Variants in PNOC observed in about 807,000 individuals in gnomAD.
PNOC encodes prepronociceptin.
In PNOC, 10 loss-of-function variants were observed where a neutral mutation model predicts 15.6. That is an observed-to-expected ratio of 0.64 (90% CI 0.40 to 1.09). The LOEUF (loss-of-function observed/expected upper bound fraction) is 1.09, where lower values mean the gene tolerates loss of function less well. PNOC is among the 50% of genes least tolerant of loss of function. The probability of loss-of-function intolerance (pLI) is 0.01; values close to 1 mark genes in which losing one functional copy is unlikely to be tolerated. For synonymous variants in PNOC, 98 were observed against 88.5 expected (o/e 1.11, Z -0.60); for missense variants, 220 against 223.9 (o/e 0.98, Z 0.11).
intron 2 of PNOC, among the ~76,000 whole-genome samples, chr8:28,334,088 A>ACACC (rs1801373614): frequency 1.3e-5 from 2 of 149,434 alleles, no homozygotes; most frequent in South Asian, 4.2e-4. Flanking sequence ...ACACACACAC[A>ACACC]CCAGTTCTGA....
chr8:28,328,152 C>T (rs1801257939), intron 1 of PNOC, among the ~76,000 whole-genome samples: 2 of 148,708 alleles, frequency 1.3e-5, no homozygotes, highest in African/African-American at 2.5e-5. Context: ...ACTGCAACCT[C>T]CACCTCCCAG....
intron 1 of PNOC, among the ~76,000 whole-genome samples, chr8:28,327,417 G>A (rs922594303): frequency 4.6e-5 from 7 of 152,196 alleles, no homozygotes; most frequent in Admixed American, 3.3e-4. Flanking sequence ...GTTTTAAATA[G>A]CAAGTTCCAC....
chr8:28,324,192 A>G (rs1182370385), intron 1 of PNOC, among the ~76,000 whole-genome samples: 1 of 152,206 alleles, frequency 6.6e-6, no homozygotes, highest in African/African-American at 2.4e-5. Flanking sequence ...TATCAAATGG[A>G]ACATGTACTA....
At chr8:28,319,197 C>T (rs1208144757) in intron 1 of PNOC, among the ~76,000 whole-genome samples, 1 of 152,118 alleles carries the variant, frequency 6.6e-6, no homozygotes, top group Non-Finnish European at 1.5e-5. Flanking sequence ...TTATTCAGTA[C>T]ATGGCAGGGT....
intron 1 of PNOC, among the ~76,000 whole-genome samples, chr8:28,326,627 C>T (rs1350373560): frequency 2.0e-5 from 3 of 151,940 alleles, no homozygotes; most frequent in African/African-American, 7.3e-5. Flanking sequence ...TTTGGGAGGC[C>T]GAGGCGGGCA....
chr8:28,339,455 C>T lies in PNOC; in HGVS notation c.*11C>T. On this transcript the variant is annotated 3_prime_UTR_variant, in exon 3 of 4. Transcript: ENST00000301908. The stretch of plus-strand genomic sequence containing the variant: ...AATGGTAATGTGTAGCCGGAAGGGG[C>T]GCTCCTCCCAGCTGTACCGGCCACT... 1.3e-6 allele frequency: 2 copies of T among 1,520,936 alleles called. No individual in the cohort carries two copies. The highest frequency in any genetic ancestry group is 1.8e-6 in the Non-Finnish European group (2 of 1,132,438). 94.2% of individuals were successfully genotyped at this position (1,520,936 alleles called of 1,614,324 possible).
At chr8:28,338,686 C>A in intron 2 of PNOC, 3 of 1,024,886 alleles carry the variant, frequency 2.9e-6, no homozygotes, top group Non-Finnish European at 3.5e-6. Flanking sequence ...CAGTCATGAG[C>A]TGTGCTTGGC....
intron 2 of PNOC, among the ~76,000 whole-genome samples, chr8:28,338,295 T>A (rs1405294605): frequency 6.6e-6 from 1 of 152,098 alleles, no homozygotes; most frequent in Non-Finnish European, 1.5e-5. Context: ...AGAAACATCG[T>A]GGTCCAGCTG....
chr8:28,330,647 C>A (rs538421134), intron 2 of PNOC, among the ~76,000 whole-genome samples: 13 of 131,258 alleles, frequency 9.9e-5, no homozygotes, highest in African/African-American at 3.0e-4. Context: ...ATGATCCACC[C>A]GCCTCAGCCT....
Position 28,339,448 on chromosome 8 carries a change from G to T in PNOC, c.*4G>T. On this transcript the variant is annotated 3_prime_UTR_variant, in exon 3 of 4. Transcript: ENST00000301908. ...GCACCAGAATGGTAATGTGTAGCCG[G>T]AAGGGGCGCTCCTCCCAGCTGTACC... 1 of 1,523,364 alleles carries T rather than the reference G, an allele frequency of 6.6e-7. No individual in the cohort carries two copies. Among genetic ancestry groups the T allele is most frequent in the Admixed American group, 2.1e-5 (1 of 48,268 alleles). 94.4% of individuals were successfully genotyped at this position (1,523,364 alleles called of 1,614,324 possible).
At chr8:28,329,399 T>C (rs758585136) in intron 2 of PNOC, 116 bp downstream of exon 2, 27 of 1,163,096 alleles carry the variant, frequency 2.3e-5, no homozygotes, top group Non-Finnish European at 3.2e-5. Context: ...CTCACAGGAC[T>C]TGCTCAGCAT....
chr8:28,323,108 A>G (rs1801174726), intron 1 of PNOC, among the ~76,000 whole-genome samples: 1 of 152,206 alleles, frequency 6.6e-6, no homozygotes, highest in Non-Finnish European at 1.5e-5. Context: ...GCTTCGGCTA[A>G]AGCTGCATAT....
intron 1 of PNOC, among the ~76,000 whole-genome samples, chr8:28,325,318 A>T (rs986148481): frequency 2.0e-5 from 3 of 152,076 alleles, no homozygotes; most frequent in African/African-American, 4.8e-5. Flanking sequence ...TGAGTTGGAG[A>T]AGGATATTCT....
intron 2 of PNOC, among the ~76,000 whole-genome samples, chr8:28,330,396 A>ATTTTATTTTATTTTATTTTATTTTTT (rs377288105): frequency 2.5e-5 from 2 of 80,418 alleles, no homozygotes; most frequent in African/African-American, 3.9e-5. Flanking sequence ...ATTTTATTTT[A>ATTTTATTTTATTTTATTTTATTTTTT]TTTTTTTTTT....
At position 28,339,446 on chromosome 8, in the gene PNOC, C is replaced by T. The variant is rs201624792; in HGVS notation, c.*2C>T. The stretch of plus-strand genomic sequence containing the variant: ...CTGCACCAGAATGGTAATGTGTAGC[C>T]GGAAGGGGCGCTCCTCCCAGCTGTA... On this transcript the variant is annotated 3_prime_UTR_variant, in exon 3 of 4. Transcript: ENST00000301908. 30 of 1,523,464 alleles carry T rather than the reference C, an allele frequency of 2.0e-5. No homozygotes were observed. Among genetic ancestry groups the T allele is most frequent in the Admixed American group, 4.1e-5 (2 of 48,318 alleles). The allele number at this position is 1,523,464 out of a possible 1,614,324, so 94.4% of individuals were successfully genotyped here.
chr8:28,322,663 T>C (rs1445405803), intron 1 of PNOC, among the ~76,000 whole-genome samples: 1 of 152,174 alleles, frequency 6.6e-6, no homozygotes, highest in African/African-American at 2.4e-5. Context: ...TCTAAAGTCA[T>C]AGCAATATGA....
chr8:28,317,538 CA>C (rs1563324588), intron 1 of PNOC, among the ~76,000 whole-genome samples: 1 of 152,130 alleles, frequency 6.6e-6, no homozygotes, highest in Non-Finnish European at 1.5e-5. Context: ...TAACCTCAGA[CA>C]GACGCAGAAG....
At chr8:28,321,272 TCCTGGGCTCAAG>T (rs1273946995) in intron 1 of PNOC, among the ~76,000 whole-genome samples, 1 of 140,326 alleles carries the variant, frequency 7.1e-6, no homozygotes, top group Admixed American at 8.0e-5. Context: ...GGTCTCAAAC[TCCTGGGCTCAAG>T]CGTCCTAAGT....
At chr8:28,338,516 C>T (rs755903252) in intron 2 of PNOC, 8 of 805,522 alleles carry the variant, frequency 9.9e-6, no homozygotes, top group Admixed American at 6.2e-5. Context: ...GACTGCTGTA[C>T]GCGGGATGAA....
Sources: allele counts gnomAD v4.1 joint callset (sites outside exome capture counted in the v4.1 genomes callset), GRCh38; gene constraint gnomAD v4.1.1; transcripts MANE v1.5; gene names NCBI Gene and HGNC (gene_info 2026-07-23, HGNC 2026-07-21).